Variants in LCOR observed in about 807,000 individuals in gnomAD.
LCOR encodes the protein ligand dependent nuclear receptor corepressor, also known as ligand-dependent corepressor.
LCOR carries 14 observed loss-of-function variants against 64.4 expected under a neutral mutation model. The ratio of observed to expected loss-of-function variants is 0.22; its 90% CI spans 0.14 to 0.34. LCOR has a LOEUF of 0.34. LCOR is among the 10% of genes least tolerant of loss of function. The probability of loss-of-function intolerance (pLI) is 1.00; values close to 1 mark genes in which losing one functional copy is unlikely to be tolerated. For synonymous variants in LCOR, 643 were observed against 642.5 expected, an observed-to-expected ratio of 1.00 and a Z score of -0.01; for missense variants, 1,686 against 1,765.3, an observed-to-expected ratio of 0.96 and a Z score of 0.80.
At chr10:96,975,570 C>T (rs1190261092) in intron 7 of LCOR, among the ~76,000 whole-genome samples, 1 of 151,490 alleles carries the variant, frequency 6.6e-6, no homozygotes, top group African/African-American at 2.4e-5. Flanking sequence ...AGGAAGCATC[C>T]TAGATGTCCC....
chr10:96,876,127 A>T (rs1846160520), intron 2 of LCOR, among the ~76,000 whole-genome samples: 2 of 152,282 alleles, frequency 1.3e-5, no homozygotes, highest in African/African-American at 4.8e-5. Context: ...TGGGTAATAT[A>T]TAAAGAAAAG....
At chr10:96,971,580 G>A (rs958499818) in intron 7 of LCOR, among the ~76,000 whole-genome samples, 5 of 152,196 alleles carry the variant, frequency 3.3e-5, no homozygotes, top group African/African-American at 1.2e-4. Flanking sequence ...ACTACCTAAT[G>A]CAGCACCAGG....
intron 4 of LCOR, among the ~76,000 whole-genome samples, chr10:96,928,941 A>G (rs1442868830): frequency 6.6e-6 from 1 of 152,152 alleles, no homozygotes; most frequent in African/African-American, 2.4e-5. Context: ...TTTTAAAGGA[A>G]TCTTTATTTT....
At position 96,977,720 on chromosome 10, in the gene LCOR, G is replaced by GTA. The variant is rs567338499; in HGVS notation, c.333-3072_333-3071dup. Among the ~76,000 whole-genome samples the GTA allele has an allele frequency of 5.3e-5, 8 of 152,236 alleles. No individual in the cohort carries two copies. The South Asian group carries it at 1.7e-3, about 32-fold the overall frequency. ...GGGGTCTCACTCTGTCACCCAGGCT[G>GTA]TAGTACAGTGGCATGATCATAGCTC... On this transcript the variant is annotated intron_variant, in intron 7 of 7. Transcript: ENST00000421806.
intron 4 of LCOR, among the ~76,000 whole-genome samples, chr10:96,912,225 C>T (rs1846850426): frequency 6.6e-6 from 1 of 152,120 alleles, no homozygotes; most frequent in Admixed American, 6.5e-5. Flanking sequence ...GCCACTGCAC[C>T]CGGCCTTCTT....
intron 4 of LCOR, among the ~76,000 whole-genome samples, chr10:96,910,462 T>C (rs974310757): frequency 2.0e-5 from 3 of 152,250 alleles, no homozygotes; most frequent in East Asian, 3.8e-4. Context: ...CTATATCATG[T>C]GAATTGTCAG....
rs562142541 is a variant in LCOR, at chr10:96,856,587, G to A, written c.-330+23108G>A. Among the ~76,000 whole-genome samples the A allele has an allele frequency of 6.6e-5, 10 of 152,030 alleles. No individual in the cohort carries two copies. The South Asian group carries it at 1.9e-3, about 28-fold the overall frequency. On this transcript the variant is annotated intron_variant, in intron 2 of 7. Transcript: ENST00000421806. ...GCTCTGTCACCCATGCTGGAGTGCA[G>A]TGGTGTGATCAGTGAGTAGCTGACA...
At chr10:96,873,348 T>C (rs915745034) in intron 2 of LCOR, among the ~76,000 whole-genome samples, 4 of 152,158 alleles carry the variant, frequency 2.6e-5, no homozygotes, top group African/African-American at 9.6e-5. Context: ...AGACAGTGGT[T>C]GTGCTTTGAA....
intron 4 of LCOR, among the ~76,000 whole-genome samples, chr10:96,926,273 C>T (rs537051338): frequency 3.9e-5 from 6 of 152,258 alleles, no homozygotes; most frequent in South Asian, 2.1e-4. Flanking sequence ...ACTGAAATGT[C>T]GTTAACTCAT....
intron 7 of LCOR, among the ~76,000 whole-genome samples, chr10:96,970,870 C>T (rs563166176): frequency 1.5e-4 from 23 of 151,990 alleles, no homozygotes; most frequent in African/African-American, 5.6e-4. Flanking sequence ...CCTCCTGCCT[C>T]GGCCTCCCAA....
At chr10:96,965,078 G>A (rs908959447) in intron 7 of LCOR, among the ~76,000 whole-genome samples, 4 of 151,436 alleles carry the variant, frequency 2.6e-5, no homozygotes, top group South Asian at 4.2e-4. Flanking sequence ...GCACGATCTC[G>A]GCTCACTGCA....
At position 96,920,652 on chromosome 10, in the gene LCOR, GTGTATATA is replaced by G. The variant is rs897029555; in HGVS notation, c.-184+12923_-184+12930del. Among the ~76,000 whole-genome samples, 157 of 134,464 alleles carry G rather than the reference GTGTATATA, an allele frequency of 1.2e-3. 2 individuals carry two copies. The highest frequency in any genetic ancestry group is 7.8e-3 in the Middle Eastern group (2 of 256). The allele number at this position is 134,464 out of a possible 152,430, so 88.2% of individuals were successfully genotyped here. On this transcript the variant is annotated intron_variant, in intron 4 of 7. Coordinates refer to ENST00000421806, the MANE Select transcript of LCOR (RefSeq NM_001346516.2). ...TGTACATTCATATATGTGTATATAT[GTGTATATA>G]TGTATATATGTATATATTCATATAT...
At chr10:96,956,589 G>A in intron 7 of LCOR, 1 of 985,752 alleles carries the variant, frequency 1.0e-6, no homozygotes, top group Non-Finnish European at 1.2e-6. Flanking sequence ...GGAAGGTGGT[G>A]GAAAATGTGC....
At chr10:96,842,269 C>G (rs531080557) in intron 2 of LCOR, among the ~76,000 whole-genome samples, 3 of 152,096 alleles carry the variant, frequency 2.0e-5, no homozygotes, top group Non-Finnish European at 4.4e-5. Flanking sequence ...GTGGCATGCA[C>G]CTGTAGCCCC....
Position 96,987,364 on chromosome 10 carries a change from C to T in LCOR, c.*2230C>T, listed in dbSNP as rs1430948104. ...GCCCCGTTGGCTGCATACCGACTAC[C>T]TTGTAAGGTGCTTGGATTAGGTTAG... On this transcript the variant is annotated 3_prime_UTR_variant, in exon 8 of 8. Coordinates refer to ENST00000421806, the MANE Select transcript of LCOR (RefSeq NM_001346516.2). 1 of 152,202 alleles carries T rather than the reference C, an allele frequency of 6.6e-6. No individual in the cohort carries two copies. The highest frequency in any genetic ancestry group is 1.5e-5 in the Non-Finnish European group (1 of 68,042). 9.4% of individuals were successfully genotyped at this position (152,202 alleles called of 1,614,324 possible). A position where few individuals can be genotyped will look rare whatever the true frequency, so the allele number is the denominator to read the frequency against.
chr10:96,855,065 A>AC (rs1237833142), intron 2 of LCOR, among the ~76,000 whole-genome samples: 1 of 152,014 alleles, frequency 6.6e-6, no homozygotes, highest in Non-Finnish European at 1.5e-5. Flanking sequence ...AGGCTGACTT[A>AC]CCCCTGGGAC....
At chr10:96,898,098 A>G (rs973997008) in intron 2 of LCOR, among the ~76,000 whole-genome samples, 25 of 152,188 alleles carry the variant, frequency 1.6e-4, no homozygotes, top group African/African-American at 5.8e-4. Context: ...GGGTGATGTT[A>G]AAAGATGAAT....
At chr10:96,900,125 C>T (rs1305613961) in intron 2 of LCOR, among the ~76,000 whole-genome samples, 2 of 152,108 alleles carry the variant, frequency 1.3e-5, no homozygotes, top group African/African-American at 4.8e-5. Flanking sequence ...GTACTTTCTT[C>T]TATCTATAGA....
chr10:96,982,645 A>G lies in LCOR; in HGVS notation c.2185A>G (p.Ile729Val), dbSNP rs894556164. 4 of 1,614,088 alleles carry G rather than the reference A, an allele frequency of 2.5e-6. No homozygotes were observed. In the African/African-American group the frequency reaches 4.0e-5, roughly 16 times the overall value. ...GGGAAAGGCTGAGGACAACCAAAGCATCAGTGCTGAGGTTGAGTCTGGAGA... is the reference window on the plus strand; with the variant it reads ...GGGAAAGGCTGAGGACAACCAAAGCGTCAGTGCTGAGGTTGAGTCTGGAGA... ...SLGKAEDNQS[I>V]SAEVESGDTQ... The change falls in exon 8 of 8, where the codon ATC (isoleucine) becomes GTC (valine). Residue 729 changes from isoleucine to valine, a missense_variant. Transcript: ENST00000421806.
Sources: allele counts gnomAD v4.1 joint callset (sites outside exome capture counted in the v4.1 genomes callset), GRCh38; gene constraint gnomAD v4.1.1; transcripts MANE v1.5; gene names NCBI Gene and HGNC (gene_info 2026-07-23, HGNC 2026-07-21).